Variants in APAF1 observed in about 807,000 individuals in gnomAD.
APAF1 encodes apoptotic peptidase activating factor 1, also known as apoptotic protease-activating factor 1.
A neutral mutation model predicts 152.4 loss-of-function variants in APAF1; 91 were observed. The observed-to-expected ratio is 0.60, with a 90% CI of 0.50 to 0.71. The LOEUF is 0.71. Among genes scored for constraint, APAF1 ranks in the 30% least tolerant of loss-of-function variants. The probability of loss-of-function intolerance (pLI) is 0.00; values close to 1 mark genes in which losing one functional copy is unlikely to be tolerated. For synonymous variants in APAF1, 484 were observed against 494.1 expected, an observed-to-expected ratio of 0.98 and a Z score of 0.27; for missense variants, 1,283 against 1,472.0, an observed-to-expected ratio of 0.87 and a Z score of 2.10.
At chr12:98,666,486 C>G in intron 9 of APAF1, 129 bp downstream of exon 9, 1 of 855,632 alleles carries the variant, frequency 1.2e-6, no homozygotes, top group Non-Finnish European at 1.8e-6. Context: ...CTAATATTAA[C>G]ATTTTATATA....
intron 12 of APAF1, among the ~76,000 whole-genome samples, chr12:98,674,850 A>G (rs1280410347): frequency 6.6e-6 from 1 of 152,240 alleles, no homozygotes; most frequent in Non-Finnish European, 1.5e-5. Flanking sequence ...TGCTCAATAA[A>G]TATTAGTTGT....
At chr12:98,726,466 G>T (rs767021293) in intron 25 of APAF1, 2 of 152,738 alleles carry the variant, frequency 1.3e-5, no homozygotes, top group Non-Finnish European at 2.9e-5. Flanking sequence ...CAGGTATATA[G>T]TGCAGAAGAC....
intron 14 of APAF1, among the ~76,000 whole-genome samples, chr12:98,680,758 T>A (rs548044420): frequency 1.9e-4 from 29 of 152,242 alleles, no homozygotes; most frequent in Middle Eastern, 3.4e-3. Flanking sequence ...ATGCCTAGGT[T>A]GATCACCTCA....
intron 15 of APAF1, among the ~76,000 whole-genome samples, chr12:98,684,930 A>G (rs913123342): frequency 1.3e-5 from 2 of 152,198 alleles, no homozygotes; most frequent in African/African-American, 2.4e-5. Context: ...CATAAGGACT[A>G]TTAGGATGCA....
At chr12:98,678,383 C>A (rs534206629) in intron 13 of APAF1, among the ~76,000 whole-genome samples, 1 of 152,176 alleles carries the variant, frequency 6.6e-6, no homozygotes, top group Non-Finnish European at 1.5e-5. Flanking sequence ...GTGGAGCTGG[C>A]GGTAGCTGGG....
intron 18 of APAF1, among the ~76,000 whole-genome samples, chr12:98,705,146 C>G (rs2288718): frequency 0.022 from 3,276 of 152,046 alleles, 53 homozygotes; most frequent in East Asian, 0.086. Flanking sequence ...TTTTTAGAAA[C>G]AGTACTAAGT....
At chr12:98,723,128 C>G in intron 22 of APAF1, 65 bp from the exon 23 acceptor site, 1 of 1,544,812 alleles carries the variant, frequency 6.5e-7, no homozygotes, top group East Asian at 2.3e-5. Context: ...TGTACACTCT[C>G]TCCACCCCTC....
intron 13 of APAF1, among the ~76,000 whole-genome samples, chr12:98,678,427 G>A (rs901637800): frequency 3.3e-5 from 5 of 152,210 alleles, no homozygotes; most frequent in Admixed American, 1.3e-4. Flanking sequence ...CTGAATTGGG[G>A]CAGGAGCTCC....
chr12:98,715,470 A>G lies in APAF1; in HGVS notation c.3002A>G (p.Gln1001Arg), dbSNP rs763334786. ...VNNRIFQSRF[Q>R]HKKTVWHIQF... ...AATAGAATCTTCCAGTCCAGGTTTC[A>G]GCACAAGAAAACTGTATGGCACATC... Residue 1001 changes from glutamine to arginine, a missense_variant, in exon 22 of 27, where the codon CAG (glutamine) becomes CGG (arginine). Gln to Arg is a conservative substitution (Grantham distance 43, BLOSUM62 1). Coordinates refer to ENST00000551964, the MANE Select transcript of APAF1 (RefSeq NM_181861.2). 3.1e-6 allele frequency: 5 copies of G among 1,613,442 alleles called. No individual in the cohort carries two copies. Among genetic ancestry groups the G allele is most frequent in the Non-Finnish European group, 4.2e-6 (5 of 1,179,712 alleles).
chr12:98,696,505 A>C (rs1309116547), intron 16 of APAF1, among the ~76,000 whole-genome samples: 1 of 152,156 alleles, frequency 6.6e-6, no homozygotes, highest in African/African-American at 2.4e-5. Flanking sequence ...GTGGGGATCC[A>C]ATTTCAACAC....
At chr12:98,702,931 G>A (rs2097717210) in intron 17 of APAF1, among the ~76,000 whole-genome samples, 1 of 151,846 alleles carries the variant, frequency 6.6e-6, no homozygotes, top group Admixed American at 6.6e-5. Flanking sequence ...CTATAATGGA[G>A]CAATTTGGTA....
chr12:98,649,032 AAT>A, intron 3 of APAF1: 3 of 715,706 alleles, frequency 4.2e-6, no homozygotes, highest in Non-Finnish European at 6.8e-6. Context: ...CTGAGATAAT[AAT>A]ATGTCTACCC....
intron 20 of APAF1, among the ~76,000 whole-genome samples, chr12:98,711,384 A>G (rs1277786498): frequency 6.6e-6 from 1 of 152,246 alleles, no homozygotes; most frequent in Non-Finnish European, 1.5e-5. Context: ...TTAAGTGAAT[A>G]AAACATTTTT....
chr12:98,704,285 C>T (rs959634361), intron 18 of APAF1, among the ~76,000 whole-genome samples: 6 of 152,122 alleles, frequency 3.9e-5, no homozygotes, highest in African/African-American at 1.4e-4. Flanking sequence ...TTAGTTTTTC[C>T]AGGCTTTCTT....
chr12:98,659,152 C>G lies in APAF1; in HGVS notation c.527-8C>G. On this transcript the variant is annotated splice_polypyrimidine_tract_variant and splice_region_variant and intron_variant, in intron 4 of 26. Coordinates refer to ENST00000551964, the MANE Select transcript of APAF1 (RefSeq NM_181861.2). ...AGGCCTTAAGTTCATTATTCTTTCC[C>G]TCACTAGGTTGTTTCCCAGGGGGAG... The G allele has an allele frequency of 6.2e-7, 1 of 1,613,986 alleles. No individual in the cohort carries two copies.
Position 98,732,878 on chromosome 12 carries a change from T to C in APAF1, c.*312T>C, listed in dbSNP as rs541930021. On this transcript the variant is annotated 3_prime_UTR_variant, in exon 27 of 27. Coordinates refer to ENST00000551964, the MANE Select transcript of APAF1 (RefSeq NM_181861.2). ...CATTCAAAATGGTTGACATAATTAA[T>C]GAGAAGAATTTGGAAGAAATTGGTA... 3.1e-6 allele frequency: 1 copy of C among 321,700 alleles called. No individual in the cohort carries two copies. Among genetic ancestry groups the C allele is most frequent in the Non-Finnish European group, 5.8e-6 (1 of 171,882 alleles). 19.9% of individuals were successfully genotyped at this position (321,700 alleles called of 1,614,324 possible).
intron 18 of APAF1, among the ~76,000 whole-genome samples, chr12:98,704,068 A>G (rs758608665): frequency 3.3e-5 from 5 of 152,008 alleles, no homozygotes; most frequent in East Asian, 1.9e-4. Flanking sequence ...GTGAAGTGCT[A>G]TATTAGTTTT....
chr12:98,686,227 C>T (rs1172910706), intron 15 of APAF1, among the ~76,000 whole-genome samples: 1 of 151,924 alleles, frequency 6.6e-6, no homozygotes, highest in Non-Finnish European at 1.5e-5. Context: ...TTCCCTTTTT[C>T]CTCTGACTGC....
At chr12:98,714,115 A>C (rs1029444817) in intron 21 of APAF1, among the ~76,000 whole-genome samples, 1 of 152,142 alleles carries the variant, frequency 6.6e-6, no homozygotes, top group South Asian at 2.1e-4. Flanking sequence ...GTTGTGTATT[A>C]TTATTTATTC....
Sources: gnomAD v4.1 joint callset for allele counts (sites outside exome capture counted in the v4.1 genomes callset) on GRCh38, gnomAD v4.1.1 for gene constraint, MANE v1.5 for transcripts, NCBI Gene and HGNC (gene_info 2026-07-23, HGNC 2026-07-21) for gene names.